VMP1: variants seen among roughly 807,000 people sequenced by gnomAD.
VMP1 encodes ectopic P-granules autophagy protein 3 homolog.
In VMP1, 11 loss-of-function variants were observed where a neutral mutation model predicts 56.0. The observed-to-expected ratio is 0.20, with a 90% CI of 0.12 to 0.32. The LOEUF (loss-of-function observed/expected upper bound fraction) is 0.32. Ranked by LOEUF, VMP1 falls within the 10% of genes least tolerant of loss-of-function variation. The pLI is 1.00. For missense variants in VMP1, 296 were observed against 490.3 expected, an observed-to-expected ratio of 0.60 and a Z score of 3.74; for synonymous variants, 149 against 165.0, an observed-to-expected ratio of 0.90 and a Z score of 0.74.
intron 7 of VMP1, among the ~76,000 whole-genome samples, chr17:59,801,336 C>T (rs2144174197): frequency 6.6e-6 from 1 of 151,578 alleles, no homozygotes; most frequent in South Asian, 2.1e-4. Context: ...GCCTCAACTT[C>T]CTGGGCTCTG....
intron 6 of VMP1, among the ~76,000 whole-genome samples, chr17:59,771,281 T>G (rs987217092): frequency 6.6e-6 from 1 of 151,932 alleles, no homozygotes; most frequent in African/African-American, 2.4e-5. Flanking sequence ...TAAACAATCC[T>G]CCCACCTCAG....
At chr17:59,835,830 A>G (rs1598468313) in intron 10 of VMP1, among the ~76,000 whole-genome samples, 1 of 149,208 alleles carries the variant, frequency 6.7e-6, no homozygotes, top group South Asian at 2.1e-4. Flanking sequence ...TTTTGTGCAT[A>G]TATTTATATA....
At chr17:59,820,866 T>C (rs918318844) in intron 10 of VMP1, among the ~76,000 whole-genome samples, 13 of 152,332 alleles carry the variant, frequency 8.5e-5, no homozygotes, top group Middle Eastern at 6.8e-3. Context: ...CCGCAGGCTT[T>C]AGAGTTTTTA....
intron 7 of VMP1, among the ~76,000 whole-genome samples, chr17:59,805,359 T>C (rs988445543): frequency 3.3e-5 from 5 of 152,230 alleles, no homozygotes; most frequent in Admixed American, 2.6e-4. Context: ...ATCACTGTGT[T>C]TTGACCTCTT....
At chr17:59,800,995 G>A (rs1243279440) in intron 7 of VMP1, among the ~76,000 whole-genome samples, 1 of 150,640 alleles carries the variant, frequency 6.6e-6, no homozygotes, top group African/African-American at 2.4e-5. Context: ...CAGGAGAATT[G>A]CTTGAATCCA....
intron 5 of VMP1, among the ~76,000 whole-genome samples, chr17:59,759,486 T>A (rs1304460990): frequency 1.3e-5 from 2 of 152,250 alleles, no homozygotes; most frequent in Non-Finnish European, 2.9e-5. Context: ...TGTATACACA[T>A]TTAGAATTGG....
chr17:59,772,585 A>G lies in VMP1; in HGVS notation c.583-1169A>G, dbSNP rs962266020. ...GGAGTTCGAGACCAGCCTGGCCAACATAGTGAAACTCTGACTCTACTAAAA... is the reference window on the plus strand; with the variant it reads ...GGAGTTCGAGACCAGCCTGGCCAACGTAGTGAAACTCTGACTCTACTAAAA... On this transcript the variant is annotated intron_variant, in intron 6 of 11. Transcript: ENST00000262291. 5.9e-5 allele frequency among the ~76,000 whole-genome samples: 9 copies of G among 151,992 alleles called. No homozygotes were observed. In the South Asian group the frequency reaches 1.5e-3, roughly 25 times the overall value.
chr17:59,816,191 T>C (rs1443159359), intron 9 of VMP1, among the ~76,000 whole-genome samples: 2 of 152,240 alleles, frequency 1.3e-5, no homozygotes, highest in African/African-American at 4.8e-5. Context: ...CTGTTTTGCA[T>C]TGAAATTGTG....
intron 10 of VMP1, among the ~76,000 whole-genome samples, chr17:59,825,979 A>G (rs2038634712): frequency 6.6e-6 from 1 of 152,218 alleles, no homozygotes; most frequent in Non-Finnish European, 1.5e-5. Context: ...AAAATGGTCC[A>G]TGTATTTGAT....
At chr17:59,740,897 C>A (rs1237959158) in intron 5 of VMP1, among the ~76,000 whole-genome samples, 1 of 152,186 alleles carries the variant, frequency 6.6e-6, no homozygotes, top group Non-Finnish European at 1.5e-5. Context: ...AGATAGCAGA[C>A]TCTGCTGAAT....
intron 5 of VMP1, among the ~76,000 whole-genome samples, chr17:59,747,473 A>G (rs1162380083): frequency 6.7e-6 from 1 of 149,760 alleles, no homozygotes; most frequent in African/African-American, 2.5e-5. Context: ...ACAGTGGCAC[A>G]ATCTCGGCTC....
intron 5 of VMP1, among the ~76,000 whole-genome samples, chr17:59,746,602 G>A (rs2035433197): frequency 6.6e-6 from 1 of 152,084 alleles, no homozygotes; most frequent in Non-Finnish European, 1.5e-5. Context: ...AATCATCAGG[G>A]AAAAATTACT....
intron 3 of VMP1, among the ~76,000 whole-genome samples, chr17:59,736,531 G>A (rs1052240296): frequency 2.1e-4 from 31 of 149,972 alleles, no homozygotes; most frequent in African/African-American, 7.6e-4. Flanking sequence ...ATCACCTGAG[G>A]TCAGGAATTC....
intron 7 of VMP1, among the ~76,000 whole-genome samples, chr17:59,795,682 A>C (rs927702787): frequency 5.3e-5 from 8 of 151,848 alleles, no homozygotes; most frequent in African/African-American, 1.7e-4. Context: ...ATAATAATAA[A>C]ATTTAAAACA....
At chr17:59,735,509 C>G (rs1294455985) in intron 3 of VMP1, 36 bp downstream of exon 3, 3 of 1,602,100 alleles carry the variant, frequency 1.9e-6, no homozygotes, top group East Asian at 4.5e-5. Context: ...TTACATACAC[C>G]TCATTTACTC....
intron 5 of VMP1, among the ~76,000 whole-genome samples, chr17:59,748,360 G>T (rs1466498928): frequency 6.6e-6 from 1 of 152,044 alleles, no homozygotes; most frequent in Non-Finnish European, 1.5e-5. Flanking sequence ...GATTGAAACC[G>T]ATTTTGTTAA....
intron 1 of VMP1, among the ~76,000 whole-genome samples, chr17:59,709,234 A>G (rs1402808997): frequency 2.0e-5 from 3 of 152,200 alleles, no homozygotes; most frequent in Non-Finnish European, 4.4e-5. Context: ...TTGCTTCTTG[A>G]TTATATAACT....
intron 7 of VMP1, among the ~76,000 whole-genome samples, chr17:59,775,473 A>G (rs1210756826): frequency 1.3e-5 from 2 of 152,036 alleles, no homozygotes; most frequent in East Asian, 3.9e-4. Context: ...ACAGGTATAT[A>G]CCACTATGGC....
intron 5 of VMP1, among the ~76,000 whole-genome samples, chr17:59,740,280 C>T (rs965748582): frequency 2.6e-5 from 4 of 152,008 alleles, no homozygotes; most frequent in African/African-American, 9.7e-5. Context: ...AAATTTTGTG[C>T]CCCATGTGCC....
Sources: gnomAD v4.1 joint callset for allele counts (sites outside exome capture counted in the v4.1 genomes callset) on GRCh38, gnomAD v4.1.1 for gene constraint, MANE v1.5 for transcripts, NCBI Gene and HGNC (gene_info 2026-07-23, HGNC 2026-07-21) for gene names.